Variants in WDR59 observed in about 807,000 individuals in gnomAD.
The protein encoded by WDR59 is WD repeat domain 59, also known as GATOR2 complex protein WDR59.
A neutral mutation model predicts 131.2 loss-of-function variants in WDR59; 100 were observed. The ratio of observed to expected loss-of-function variants is 0.76; its 90% CI spans 0.65 to 0.90. WDR59 has a LOEUF of 0.90. Among genes scored for constraint, WDR59 ranks in the 40% least tolerant of loss-of-function variants. The probability of loss-of-function intolerance (pLI) is 0.00; values close to 1 mark genes in which losing one functional copy is unlikely to be tolerated. For missense variants in WDR59, 1,203 were observed against 1,262.2 expected, an observed-to-expected ratio of 0.95 and a Z score of 0.71; for synonymous variants, 601 against 466.2, an observed-to-expected ratio of 1.29 and a Z score of -3.72.
chr16:74,890,694 C>T (rs984133922), intron 20 of WDR59, among the ~76,000 whole-genome samples: 2 of 152,182 alleles, frequency 1.3e-5, no homozygotes, highest in Non-Finnish European at 2.9e-5. Context: ...AATACCTCCC[C>T]GACTTGAAAT....
At chr16:74,893,931 C>A in intron 18 of WDR59, 119 bp from the exon 19 acceptor site, 1 of 1,116,640 alleles carries the variant, frequency 9.0e-7, no homozygotes, top group Non-Finnish European at 1.3e-6. Flanking sequence ...TACATCATGC[C>A]CACAATTATG....
In WDR59 at chr16:74,951,633, G is replaced by A; in HGVS notation, c.241-90C>T. The A allele has an allele frequency of 1.8e-5, 20 of 1,111,714 alleles. No homozygotes were observed. The South Asian group carries it at 1.9e-4, about 10-fold the overall frequency. The allele number at this position is 1,111,714 out of a possible 1,614,324, so 68.9% of individuals were successfully genotyped here. ...CTTAAGGCAGTGAAGAGGAAGCCAGGGATCTCATGCATGGCAAAGATCCTT... is the reference window on the plus strand; with the variant it reads ...CTTAAGGCAGTGAAGAGGAAGCCAGAGATCTCATGCATGGCAAAGATCCTT... On this transcript the variant is annotated intron_variant, in intron 3 of 25. Transcript: ENST00000262144.
rs200602679 is a variant in WDR59 at position 74,874,365 on chromosome 16, C to T, written c.2769G>A (p.Gln923=). The change falls in exon 26 of 26, where the codon CAG becomes CAA. Residue 923 remains glutamine, a synonymous_variant. Transcript: ENST00000262144. ...GCACAGCCACGTGACAGATGGCACA[C>T]TGGAACGTGAAGCCTTTGCAGATGG... ...QCAICKGFTF[Q]CAICHVAVRG... The T allele has an allele frequency of 2.5e-6, 4 of 1,614,154 alleles. No individual in the cohort carries two copies. Among genetic ancestry groups the T allele is most frequent in the East Asian group, 4.5e-5 (2 of 44,878 alleles).
chr16:74,945,693 T>A (rs2032576223), intron 6 of WDR59, among the ~76,000 whole-genome samples: 1 of 152,006 alleles, frequency 6.6e-6, no homozygotes, highest in South Asian at 2.1e-4. Flanking sequence ...TTGATTCATC[T>A]ATCCATGCAA....
chr16:74,888,042 C>A, intron 22 of WDR59, 127 bp downstream of exon 22: 1 of 1,242,566 alleles, frequency 8.0e-7, no homozygotes, highest in Non-Finnish European at 1.1e-6. Context: ...TGCTTGAACC[C>A]AGGAGGCGGA....
chr16:74,876,741 C>T (rs1964234255), intron 25 of WDR59, among the ~76,000 whole-genome samples: 1 of 152,138 alleles, frequency 6.6e-6, no homozygotes, highest in Non-Finnish European at 1.5e-5. Flanking sequence ...CTTGCCTCTG[C>T]CCTGTATATA....
chr16:74,966,480 A>C (rs548529909), intron 1 of WDR59, among the ~76,000 whole-genome samples: 44 of 152,194 alleles, frequency 2.9e-4, no homozygotes, highest in African/African-American at 1.0e-3. Context: ...ACTCCATCTC[A>C]AAAAATAAAT....
At chr16:74,941,125 GCTT>G (rs2032186491) in intron 7 of WDR59, among the ~76,000 whole-genome samples, 1 of 148,758 alleles carries the variant, frequency 6.7e-6, no homozygotes, top group Non-Finnish European at 1.5e-5. Context: ...TGGGAGGATC[GCTT>G]GACCCCAGGA....
intron 2 of WDR59, among the ~76,000 whole-genome samples, chr16:74,963,447 G>C (rs1219370069): frequency 1.3e-5 from 2 of 152,140 alleles, no homozygotes; most frequent in African/African-American, 4.8e-5. Flanking sequence ...CAGGGACATG[G>C]ATGGAGCTGG....
chr16:74,903,687 GAGTGGAGATTACA>G (rs1234371410), intron 18 of WDR59, among the ~76,000 whole-genome samples: 3 of 53,782 alleles, frequency 5.6e-5, no homozygotes, highest in Admixed American at 1.4e-4. Flanking sequence ...TGGAGATTAC[GAGTGGAGATTACA>G]AGGACAAGGC....
chr16:74,882,807 CAAAAAAAAAA>C (rs569507124), intron 25 of WDR59, among the ~76,000 whole-genome samples: 21 of 51,424 alleles, frequency 4.1e-4, no homozygotes, highest in Non-Finnish European at 4.6e-4. Context: ...AACACTGTCT[CAAAAAAAAAA>C]AAAAAAAAAA....
At chr16:74,954,474 A>G (rs1488962623) in intron 3 of WDR59, among the ~76,000 whole-genome samples, 5 of 152,226 alleles carry the variant, frequency 3.3e-5, no homozygotes, top group African/African-American at 1.2e-4. Context: ...TAGGATGGCT[A>G]TAATTTTTTT....
Position 74,888,302 on chromosome 16 carries a change from C to T in WDR59, c.2213G>A (p.Arg738Gln), listed in dbSNP as rs144238663. Residue 738 changes from arginine to glutamine, a missense_variant, in exon 22 of 26, where the codon CGG becomes CAG. Physicochemically the swap from Arg to Gln is conservative, Grantham distance 43. Coordinates refer to ENST00000262144, the MANE Select transcript of WDR59 (RefSeq NM_030581.4). ...LLESLLAHYC[R>Q]LRDVQTLAML... is the part of the protein sequence containing the mutation. ...CGCCAGTGTCTGAACATCCCGGAGC[C>T]GGCAATAGTGAGCCAACCTGAGGAA... The T allele has an allele frequency of 4.5e-4, 723 of 1,613,176 alleles. 1 individual carries two copies. Among genetic ancestry groups the T allele is most frequent in the Non-Finnish European group, 5.8e-4 (679 of 1,179,690 alleles).
intron 1 of WDR59, among the ~76,000 whole-genome samples, chr16:74,977,280 T>A (rs150473370): frequency 0.021 from 3,142 of 151,932 alleles, 57 homozygotes; most frequent in Non-Finnish European, 0.029. Flanking sequence ...AAATTTTTAA[T>A]ACCATAAAAA....
intron 1 of WDR59, among the ~76,000 whole-genome samples, chr16:74,974,111 A>C (rs2034093614): frequency 6.6e-6 from 1 of 152,250 alleles, no homozygotes; most frequent in South Asian, 2.1e-4. Flanking sequence ...CAGAGTTTGC[A>C]GTGAGCTGAG....
chr16:74,931,105 A>C (rs2031349087), intron 8 of WDR59, among the ~76,000 whole-genome samples: 1 of 152,040 alleles, frequency 6.6e-6, no homozygotes, highest in Non-Finnish European at 1.5e-5. Flanking sequence ...TGACTTTATC[A>C]CAGTATAAAC....
chr16:74,984,559 GT>G (rs2034549963), intron 1 of WDR59: 2 of 245,360 alleles, frequency 8.2e-6, no homozygotes, highest in Admixed American at 4.8e-5. Flanking sequence ...CCCCAACAGG[GT>G]TACGTCCACG....
chr16:74,962,774 CTTTTTT>C (rs34861096), intron 2 of WDR59: 1 of 147,262 alleles, frequency 6.8e-6, no homozygotes, highest in Non-Finnish European at 1.5e-5. Context: ...TTTCTTTTTT[CTTTTTT>C]TTTTTCTCTC....
Position 74,915,995 on chromosome 16 carries a change from C to T in WDR59, c.1100-1G>A, listed in dbSNP as rs746919920. On this transcript the variant is annotated splice_acceptor_variant, in intron 12 of 25. Coordinates refer to ENST00000262144, the MANE Select transcript of WDR59 (RefSeq NM_030581.4). LOFTEE classifies it high-confidence loss of function. Reference sequence around the variant, plus strand: ...TTTCTAGGGGGATCTTCTTTTAGGGCTAGCAGGAGAGAGAAGTTCAATGTT... The same window carrying T: ...TTTCTAGGGGGATCTTCTTTTAGGGTTAGCAGGAGAGAGAAGTTCAATGTT... 4.3e-6 allele frequency: 7 copies of T among 1,614,026 alleles called. No individual in the cohort carries two copies. In the Admixed American group the frequency reaches 1.0e-4, roughly 23 times the overall value.
Sources: gnomAD v4.1 joint callset for allele counts (sites outside exome capture counted in the v4.1 genomes callset) on GRCh38, gnomAD v4.1.1 for gene constraint, MANE v1.5 for transcripts, NCBI Gene and HGNC (gene_info 2026-07-23, HGNC 2026-07-21) for gene names.